Variants in SERGEF observed in about 807,000 individuals in gnomAD.
SERGEF encodes secretion regulating guanine nucleotide exchange factor.
A neutral mutation model predicts 50.0 loss-of-function variants in SERGEF; 51 were observed. The ratio of observed to expected loss-of-function variants is 1.02; its 90% CI spans 0.81 to 1.29. SERGEF has a LOEUF of 1.29. Ranked by LOEUF, SERGEF falls within the 50% of genes most tolerant of loss-of-function variation. The pLI is 0.00. For synonymous variants in SERGEF, 205 were observed against 212.4 expected (o/e 0.97, Z 0.30); for missense variants, 521 against 557.0 (o/e 0.94, Z 0.65).
intron 8 of SERGEF, among the ~76,000 whole-genome samples, chr11:17,975,592 C>T (rs1853353902): frequency 1.3e-5 from 2 of 152,182 alleles, no homozygotes; most frequent in Non-Finnish European, 2.9e-5. Flanking sequence ...CTGAAAGGGG[C>T]TCCCCTAAGA....
chr11:17,952,182 A>C (rs2133964972), intron 9 of SERGEF, among the ~76,000 whole-genome samples: 1 of 152,346 alleles, frequency 6.6e-6, no homozygotes, highest in African/African-American at 2.4e-5. Flanking sequence ...TAATTACTAC[A>C]TTACTAATAA....
chr11:17,955,038 A>G (rs1038610098), intron 9 of SERGEF, among the ~76,000 whole-genome samples: 2 of 152,214 alleles, frequency 1.3e-5, no homozygotes, highest in African/African-American at 4.8e-5. Flanking sequence ...CAGATTACAA[A>G]ACTAGGTTCA....
In SERGEF at chr11:17,869,587, G is replaced by A. The variant is rs566037967; in HGVS notation, c.1048+8621C>T. Among the ~76,000 whole-genome samples the A allele has an allele frequency of 9.9e-5, 15 of 152,280 alleles. 1 individual carries two copies. The South Asian group carries it at 2.9e-3, about 29-fold the overall frequency. On this transcript the variant is annotated intron_variant, in intron 10 of 10. Transcript: ENST00000265965. Reference sequence around the variant, plus strand: ...AATGTCCTCACATGGCAAAAGGGGTGAACAAGCTCCCTTGGACCTCTTTTA... The same window carrying A: ...AATGTCCTCACATGGCAAAAGGGGTAAACAAGCTCCCTTGGACCTCTTTTA...
intron 9 of SERGEF, among the ~76,000 whole-genome samples, chr11:17,951,438 C>T (rs552152895): frequency 3.9e-5 from 6 of 152,188 alleles, no homozygotes; most frequent in Non-Finnish European, 7.3e-5. Flanking sequence ...ACCCAAGTCA[C>T]GCTCTACGTT....
At chr11:17,861,618 A>G (rs966919335) in intron 10 of SERGEF, among the ~76,000 whole-genome samples, 2 of 152,248 alleles carry the variant, frequency 1.3e-5, no homozygotes, top group African/African-American at 4.8e-5. Flanking sequence ...GTGAGCACAC[A>G]TGAGGACCTA....
At chr11:17,967,389 G>A (rs369147457) in intron 8 of SERGEF, among the ~76,000 whole-genome samples, 4 of 152,226 alleles carry the variant, frequency 2.6e-5, no homozygotes, top group Admixed American at 2.0e-4. Context: ...GGACACACAC[G>A]TGGGCTGGAG....
chr11:17,895,406 C>G (rs1851600993), intron 9 of SERGEF, among the ~76,000 whole-genome samples: 1 of 152,172 alleles, frequency 6.6e-6, no homozygotes, highest in South Asian at 2.1e-4. Flanking sequence ...TGACTGGTGC[C>G]ACGTAACCCA....
chr11:17,845,647 T>G (rs551572495), intron 10 of SERGEF, among the ~76,000 whole-genome samples: 21 of 152,368 alleles, frequency 1.4e-4, no homozygotes, highest in African/African-American at 5.0e-4. Flanking sequence ...ATTTGAGATT[T>G]TCATTTTTTT....
chr11:17,959,482 A>T lies in SERGEF; in HGVS notation c.999T>A (p.Thr333=). 1 of 1,613,448 alleles carries T rather than the reference A, an allele frequency of 6.2e-7. No homozygotes were observed. Among genetic ancestry groups the T allele is most frequent in the South Asian group, 1.1e-5 (1 of 90,852 alleles). Residue 333 remains threonine (T), a synonymous_variant, in exon 9 of 11, where the codon ACT becomes ACA. Coordinates refer to ENST00000265965, the MANE Select transcript of SERGEF (RefSeq NM_012139.4). ...AGTCACTTCCTACCTCAGTTGCTCC[A>T]GTTAAGCAATGCGGAGACGAAGGCA... The part of the protein sequence containing the change: ...NSMPSSPHCL[T]GATEVSCGSE...
chr11:17,899,620 C>A (rs1452304971), intron 9 of SERGEF, among the ~76,000 whole-genome samples: 1 of 152,112 alleles, frequency 6.6e-6, no homozygotes, highest in Non-Finnish European at 1.5e-5. Flanking sequence ...CACTTCATAT[C>A]AGATTAGGAA....
At chr11:18,004,392 G>T in intron 4 of SERGEF, 49 bp downstream of exon 4, 3 of 1,368,948 alleles carry the variant, frequency 2.2e-6, no homozygotes, top group Non-Finnish European at 3.1e-6. Context: ...TTAATACCTT[G>T]GAAACACTTT....
At chr11:17,904,676 T>C (rs1851806491) in intron 9 of SERGEF, among the ~76,000 whole-genome samples, 3 of 152,172 alleles carry the variant, frequency 2.0e-5, no homozygotes. Context: ...CTTCTTTCCT[T>C]CTCCCTCTTT....
intron 9 of SERGEF, among the ~76,000 whole-genome samples, chr11:17,939,240 A>C: frequency 6.6e-6 from 1 of 152,344 alleles, no homozygotes; most frequent in East Asian, 1.9e-4. Flanking sequence ...GAGAAAAGAC[A>C]TAAGAATAGA....
chr11:17,939,167 T>C (rs1590208697), intron 9 of SERGEF, among the ~76,000 whole-genome samples: 1 of 152,040 alleles, frequency 6.6e-6, no homozygotes, highest in Admixed American at 6.6e-5. Context: ...GATTAGAAAG[T>C]GGAGCAGGAG....
intron 10 of SERGEF, among the ~76,000 whole-genome samples, chr11:17,870,930 T>C (rs778788342): frequency 3.5e-4 from 53 of 152,302 alleles, no homozygotes; most frequent in Non-Finnish European, 3.2e-4. Flanking sequence ...AACACATATA[T>C]GCAGTCTCTT....
intron 10 of SERGEF, among the ~76,000 whole-genome samples, chr11:17,799,136 C>A (rs1034158975): frequency 7.2e-5 from 11 of 152,216 alleles, no homozygotes; most frequent in African/African-American, 2.2e-4. Flanking sequence ...CTACCAGGGC[C>A]CCCTCAGCAG....
At chr11:17,822,586 G>C (rs1264425512) in intron 10 of SERGEF, among the ~76,000 whole-genome samples, 4 of 152,184 alleles carry the variant, frequency 2.6e-5, no homozygotes, top group Non-Finnish European at 4.4e-5. Flanking sequence ...CCTGTGTGGA[G>C]TTTCAGAGAG....
At chr11:17,841,848 CAT>C (rs1850508856) in intron 10 of SERGEF, among the ~76,000 whole-genome samples, 1 of 152,172 alleles carries the variant, frequency 6.6e-6, no homozygotes, top group Non-Finnish European at 1.5e-5. Flanking sequence ...CCATGGGGGC[CAT>C]ATTTGTCCAT....
At chr11:17,974,417 G>A (rs916158205) in intron 8 of SERGEF, among the ~76,000 whole-genome samples, 2 of 152,212 alleles carry the variant, frequency 1.3e-5, no homozygotes, top group African/African-American at 4.8e-5. Context: ...AGAGGCATCT[G>A]CTACTGAGGA....
Sources: allele counts gnomAD v4.1 joint callset (sites outside exome capture counted in the v4.1 genomes callset), GRCh38; gene constraint gnomAD v4.1.1; transcripts MANE v1.5; gene names NCBI Gene and HGNC (gene_info 2026-07-23, HGNC 2026-07-21).